The following RPS6KA6 variants were observed in gnomAD, a reference collection of about 807,000 sequenced individuals.
RPS6KA6 encodes ribosomal protein S6 kinase alpha-6.
In RPS6KA6, 27 loss-of-function variants were observed where a neutral mutation model predicts 65.4. That is an observed-to-expected ratio of 0.41 (90% CI 0.30 to 0.57). RPS6KA6 has a LOEUF of 0.57. Among genes scored for constraint, RPS6KA6 ranks in the 20% least tolerant of loss-of-function variants. The pLI is 0.24. For missense variants in RPS6KA6, 486 were observed against 555.6 expected (o/e 0.87, Z 1.26); for synonymous variants, 190 against 184.2 (o/e 1.03, Z -0.26).
intron 1 of RPS6KA6, among the ~76,000 whole-genome samples, chrX:84,179,193 A>C (rs1204547467): frequency 9.0e-6 from 1 of 111,224 alleles, no homozygotes; most frequent in Non-Finnish European, 1.9e-5. Context: ...AGGGAAATGC[A>C]AGTTAAAATC....
At chrX:84,095,045 C>T (rs904477171) in intron 20 of RPS6KA6, among the ~76,000 whole-genome samples, 1 of 111,835 alleles carries the variant, frequency 8.9e-6, no homozygotes, top group Non-Finnish European at 1.9e-5. Context: ...GCTCAGTTTT[C>T]CTGGCTTCCA....
At chrX:84,166,683 G>C (rs1208961530) in intron 1 of RPS6KA6, among the ~76,000 whole-genome samples, 3 of 110,784 alleles carry the variant, frequency 2.7e-5, no homozygotes, top group Non-Finnish European at 3.8e-5. Flanking sequence ...CGAAATAAAG[G>C]CAATTTCATT....
Position 84,135,277 on chromosome X carries a change from T to C in RPS6KA6, c.502-67A>G, listed in dbSNP as rs1437477052. ...TATTCAGTATATTTAAAAATACTTC[T>C]TTCAAAATGAGTAGACAGACAAATC... On this transcript the variant is annotated intron_variant, in intron 6 of 21. Transcript: ENST00000262752. 3 of 729,315 alleles carry C rather than the reference T, an allele frequency of 4.1e-6. No homozygotes were observed. In the East Asian group the frequency reaches 1.1e-4, roughly 26 times the overall value. 60.1% of individuals were successfully genotyped at this position (729,315 alleles called of 1,213,427 possible). A position where few individuals can be genotyped will look rare whatever the true frequency, so the allele number is the denominator to read the frequency against.
At chrX:84,096,452 A>C in intron 19 of RPS6KA6, 141 bp from the exon 20 acceptor site, 1 of 318,445 alleles carries the variant, frequency 3.1e-6, no homozygotes, top group Non-Finnish European at 5.6e-6. Flanking sequence ...GTTAAAGTCA[A>C]ATTTTATATT....
chrX:84,107,192 G>A lies in RPS6KA6; in HGVS notation c.1112-152C>T, dbSNP rs2034377074. ...ATATATTATCTGTCTCCTCCCATCT[G>A]TATACATGCTCCATTTTAGTCAGTA... is the stretch of plus-strand genomic sequence containing the variant. On this transcript the variant is annotated intron_variant, in intron 13 of 21. Coordinates refer to ENST00000262752, the MANE Select transcript of RPS6KA6 (RefSeq NM_014496.5). The A allele has an allele frequency of 6.7e-6, 3 of 444,643 alleles. No individual in the cohort carries two copies. The South Asian group carries it at 1.8e-4, about 26-fold the overall frequency. The allele number at this position is 444,643 out of a possible 1,213,427, so 36.6% of individuals were successfully genotyped here.
At chrX:84,067,687 A>G (rs1314056398) in intron 20 of RPS6KA6, among the ~76,000 whole-genome samples, 1 of 111,908 alleles carries the variant, frequency 8.9e-6, no homozygotes, top group Non-Finnish European at 1.9e-5. Flanking sequence ...AAGTTGGAAA[A>G]CACAATTCAA....
intron 18 of RPS6KA6, among the ~76,000 whole-genome samples, chrX:84,099,378 T>A (rs1384266493): frequency 9.0e-6 from 1 of 111,259 alleles, no homozygotes; most frequent in Non-Finnish European, 1.9e-5. Flanking sequence ...ACAGAGGTTA[T>A]GTTTCACACC....
chrX:84,156,722 A>G (rs917169099), intron 2 of RPS6KA6, among the ~76,000 whole-genome samples: 1 of 111,861 alleles, frequency 8.9e-6, no homozygotes, highest in African/African-American at 3.2e-5. Flanking sequence ...TGGCCCGTTT[A>G]CTGAAATTTT....
chrX:84,120,812 C>G (rs1057457981), intron 8 of RPS6KA6, among the ~76,000 whole-genome samples: 4 of 111,571 alleles, frequency 3.6e-5, no homozygotes, highest in African/African-American at 9.8e-5. Flanking sequence ...TAAGCTGATT[C>G]TACAATTTGT....
chrX:84,070,014 G>A (rs1602370121), intron 20 of RPS6KA6, among the ~76,000 whole-genome samples: 1 of 111,747 alleles, frequency 8.9e-6, no homozygotes, highest in Non-Finnish European at 1.9e-5. Context: ...ATTCCTCAAG[G>A]ATCTAGAACC....
At chrX:84,107,080 A>C (rs199715463) in intron 13 of RPS6KA6, 40 bp from the exon 14 acceptor site, 1 of 1,106,122 alleles carries the variant, frequency 9.0e-7, no homozygotes, top group Non-Finnish European at 1.2e-6. Context: ...AACTACACAC[A>C]GAATTCTATG....
intron 20 of RPS6KA6, among the ~76,000 whole-genome samples, chrX:84,087,034 C>T (rs377327145): frequency 2.7e-5 from 3 of 110,910 alleles, no homozygotes; most frequent in African/African-American, 9.8e-5. Flanking sequence ...TTTTATTCTG[C>T]GTCTCTGTGT....
intron 2 of RPS6KA6, among the ~76,000 whole-genome samples, chrX:84,163,371 G>A (rs1482822497): frequency 9.0e-6 from 1 of 110,780 alleles, no homozygotes; most frequent in Non-Finnish European, 1.9e-5. Context: ...CGGGCGCGGT[G>A]GCTCACGCCT....
chrX:84,063,370 C>G lies in RPS6KA6; in HGVS notation c.*907G>C, dbSNP rs1365487364. ...AAGTCAGAAAAACAACAGTGTAGTT[C>G]ATTTATAAAGGGGATAGATGATGAT... On this transcript the variant is annotated 3_prime_UTR_variant, in exon 22 of 22. Transcript: ENST00000262752. 3 of 111,199 alleles carry G rather than the reference C, an allele frequency of 2.7e-5. No homozygotes were observed. The East Asian group carries it at 8.5e-4, about 32-fold the overall frequency. The allele number at this position is 111,199 out of a possible 1,213,427, so 9.2% of individuals were successfully genotyped here.
intron 19 of RPS6KA6, among the ~76,000 whole-genome samples, chrX:84,097,244 T>C (rs1174417895): frequency 2.7e-5 from 3 of 111,760 alleles, no homozygotes; most frequent in African/African-American, 9.7e-5. Flanking sequence ...TTGTATTATT[T>C]GTAAAGTATC....
chrX:84,088,125 C>T (rs6622910), intron 20 of RPS6KA6, among the ~76,000 whole-genome samples: 6,794 of 111,553 alleles, frequency 0.061, 223 homozygotes, highest in East Asian at 0.2. Flanking sequence ...TCAACAAAGC[C>T]TGTTATTACC....
At chrX:84,135,000 A>G (rs1602444303) in intron 7 of RPS6KA6, 104 bp downstream of exon 7, 1 of 654,571 alleles carries the variant, frequency 1.5e-6, no homozygotes, top group East Asian at 3.6e-5. Context: ...AGTTTCATAT[A>G]ATTCATATAG....
intron 8 of RPS6KA6, among the ~76,000 whole-genome samples, chrX:84,124,911 A>T (rs1293508677): frequency 8.9e-6 from 1 of 112,408 alleles, no homozygotes; most frequent in Non-Finnish European, 1.9e-5. Flanking sequence ...AAGCAGCAAG[A>T]GAAAATAAAC....
At position 84,079,419 on chromosome X, in the gene RPS6KA6, G is replaced by GT. The variant is rs1303902698; in HGVS notation, c.1972-14309dup. Among the ~76,000 whole-genome samples, 778 of 103,462 alleles carry GT rather than the reference G, an allele frequency of 7.5e-3. 1 individual carries two copies. The highest frequency in any genetic ancestry group is 0.012 in the Admixed American group (114 of 9,625). 89.8% of individuals were successfully genotyped at this position (103,462 alleles called of 115,157 possible). On this transcript the variant is annotated intron_variant, in intron 20 of 21. Transcript: ENST00000262752. Reference sequence around the variant, plus strand: ...TTGGGCAGACACTGAGCTAGCTGCAGTTTTTTTTTTTTTCTTTTTCATACC... The same window carrying GT: ...TTGGGCAGACACTGAGCTAGCTGCAGTTTTTTTTTTTTTTCTTTTTCATACC...
Sources: allele counts gnomAD v4.1 joint callset (sites outside exome capture counted in the v4.1 genomes callset), GRCh38; gene constraint gnomAD v4.1.1; transcripts MANE v1.5; gene names NCBI Gene and HGNC (gene_info 2026-07-23, HGNC 2026-07-21).